The following SREBF2 variants were observed in gnomAD, a reference collection of about 807,000 sequenced individuals.
SREBF2 encodes the protein sterol regulatory element-binding protein 2.
A neutral mutation model predicts 113.1 loss-of-function variants in SREBF2; 55 were observed. The ratio of observed to expected loss-of-function variants is 0.49; its 90% CI spans 0.39 to 0.61. SREBF2 has a LOEUF of 0.61. Ranked by LOEUF, SREBF2 falls within the 20% of genes least tolerant of loss-of-function variation. SREBF2 has a pLI of 0.00. For missense variants in SREBF2, 1,349 were observed against 1,487.4 expected, an observed-to-expected ratio of 0.91 and a Z score of 1.53; for synonymous variants, 593 against 605.7, an observed-to-expected ratio of 0.98 and a Z score of 0.31.
At chr22:41,854,909 T>G (rs535421448) in intron 1 of SREBF2, among the ~76,000 whole-genome samples, 51 of 152,004 alleles carry the variant, frequency 3.4e-4, no homozygotes, top group Non-Finnish European at 5.1e-4. Context: ...ATTTATTTAT[T>G]TAGTGACCTT....
chr22:41,896,997 G>A, intron 13 of SREBF2, 55 bp from the exon 14 acceptor site: 1 of 1,257,228 alleles, frequency 8.0e-7, no homozygotes, highest in South Asian at 1.3e-5. Context: ...TAGGCCATGA[G>A]GTGGGCCTTG....
At position 41,873,916 on chromosome 22, in the gene SREBF2, G is replaced by A. The variant is rs1184723487; in HGVS notation, c.986G>A (p.Gly329Glu). 1 of 1,614,154 alleles carries A rather than the reference G, an allele frequency of 6.2e-7. No individual in the cohort carries two copies. The highest frequency in any genetic ancestry group is 1.1e-5 in the South Asian group (1 of 91,072). Residue 329 changes from glycine to glutamate, a missense_variant, in exon 5 of 19, where the codon GGA (glycine) becomes GAA (glutamate). This residue lies in a region of SREBF2 where 699 missense variants were observed against 843.3 expected (regional missense o/e 0.83). Transcript: ENST00000361204. ...GVKQLEPPKE[G>E]ERRTTHNIIE... ...AAGCAGCTTGAGCCCCCCAAAGAAG[G>A]AGAAAGGCGGACAACCCATAATATC... is the stretch of plus-strand genomic sequence containing the variant.
chr22:41,858,742 G>A (rs887466116), intron 1 of SREBF2, among the ~76,000 whole-genome samples: 14 of 151,870 alleles, frequency 9.2e-5, no homozygotes, highest in African/African-American at 3.4e-4. Flanking sequence ...GTAAGACCCT[G>A]TCTCTAAAAC....
intron 12 of SREBF2, 36 bp from the exon 13 acceptor site, chr22:41,894,784 G>T (rs915028074): frequency 6.4e-7 from 1 of 1,568,884 alleles, no homozygotes; most frequent in African/African-American, 1.3e-5. Context: ...TCATAAATGA[G>T]CTCCATTTAA....
intron 1 of SREBF2, among the ~76,000 whole-genome samples, chr22:41,845,981 A>G (rs1228892165): frequency 6.6e-6 from 1 of 152,202 alleles, no homozygotes; most frequent in African/African-American, 2.4e-5. Context: ...GAGGTCTTAA[A>G]GGGGTGGAAG....
At position 41,906,996 on chromosome 22, in the gene SREBF2, GC is replaced by G. The variant is rs2077514633; in HGVS notation, c.*1340del. On this transcript the variant is annotated 3_prime_UTR_variant, in exon 19 of 19. Transcript: ENST00000361204. ...TGGTTGGAGCAGAGGGTGGGCAGGAGCCCCAGCACAGACTGGGGGGTGCTCA... is the reference window on the plus strand; with the variant it reads ...TGGTTGGAGCAGAGGGTGGGCAGGAGCCCAGCACAGACTGGGGGGTGCTCA... 6.6e-6 allele frequency: 1 copy of G among 152,234 alleles called. No homozygotes were observed. The highest frequency in any genetic ancestry group is 1.5e-5 in the Non-Finnish European group (1 of 68,052). 9.4% of individuals were successfully genotyped at this position (152,234 alleles called of 1,614,324 possible). A position where few individuals can be genotyped will look rare whatever the true frequency, so the allele number is the denominator to read the frequency against.
At position 41,842,328 on chromosome 22, in the gene SREBF2, T is replaced by C. The variant is rs548952746; in HGVS notation, c.88+8970T>C. Among the ~76,000 whole-genome samples the C allele has an allele frequency of 1.6e-4, 25 of 152,342 alleles. 3 individuals carry two copies. In the South Asian group the frequency reaches 4.8e-3, roughly 29 times the overall value. ...AGAAGCTAATAACAAATATTGATTT[T>C]AGTTTTTGCTTTGCTTTCCTTTTTG... On this transcript the variant is annotated intron_variant, in intron 1 of 18. Transcript: ENST00000361204.
rs756214446 is a variant in SREBF2, at chr22:41,897,155, G to A, written c.2599G>A (p.Ala867Thr). 4.8e-5 allele frequency: 77 copies of A among 1,609,738 alleles called. No homozygotes were observed. Among genetic ancestry groups the A allele is most frequent in the Non-Finnish European group, 5.6e-5 (66 of 1,178,642 alleles). The change falls in exon 14 of 19, where the codon GCC becomes ACC. Residue 867 changes from alanine (A) to threonine (T), a missense_variant. By Grantham distance (58) the Ala-to-Thr change is moderately conservative. Around this residue, in one of 2 missense-constraint regions of SREBF2, gnomAD observed 650 missense variants for 644.1 expected, o/e 1.01. Coordinates refer to ENST00000361204, the MANE Select transcript of SREBF2 (RefSeq NM_004599.4). ...CTCCAGGAGCTCCGTGCTCAAGTCC[G>A]CCCTGGGTAAGCACCTGCGGGTGGC... The part of the protein sequence containing the change: ...PLSRSSVLKS[A>T]LGPDIICRWW...
At chr22:41,865,760 G>A (rs555808611) in intron 1 of SREBF2, among the ~76,000 whole-genome samples, 1 of 152,332 alleles carries the variant, frequency 6.6e-6, no homozygotes, top group East Asian at 1.9e-4. Context: ...CAGGCTTGCT[G>A]TGTCCTGGCC....
At chr22:41,852,084 G>A (rs1467287612) in intron 1 of SREBF2, among the ~76,000 whole-genome samples, 2 of 152,038 alleles carry the variant, frequency 1.3e-5, no homozygotes, top group South Asian at 4.1e-4. Flanking sequence ...TTGTGCCACT[G>A]CACTCCAGCC....
At chr22:41,904,287 C>T (rs1364589087) in intron 17 of SREBF2, among the ~76,000 whole-genome samples, 1 of 152,180 alleles carries the variant, frequency 6.6e-6, no homozygotes, top group Non-Finnish European at 1.5e-5. Flanking sequence ...GCACTGAAGA[C>T]CCTCCCTGAA....
chr22:41,879,361 G>A (rs1167897873), intron 9 of SREBF2, among the ~76,000 whole-genome samples: 1 of 152,244 alleles, frequency 6.6e-6, no homozygotes, highest in East Asian at 1.9e-4. Flanking sequence ...AGCTGGAAGA[G>A]GCCCCTGTAG....
chr22:41,840,413 A>G (rs560859247), intron 1 of SREBF2, among the ~76,000 whole-genome samples: 1 of 150,934 alleles, frequency 6.6e-6, no homozygotes, highest in South Asian at 2.1e-4. Context: ...ACCCCTAACC[A>G]TCACCCTTGG....
intron 7 of SREBF2, among the ~76,000 whole-genome samples, chr22:41,876,526 A>G (rs1438625330): frequency 6.6e-6 from 1 of 152,238 alleles, no homozygotes; most frequent in African/African-American, 2.4e-5. Flanking sequence ...TTGAAAAGAA[A>G]TGACATGCTA....
At chr22:41,904,331 G>A (rs1320345276) in intron 17 of SREBF2, among the ~76,000 whole-genome samples, 2 of 152,210 alleles carry the variant, frequency 1.3e-5, no homozygotes, top group Non-Finnish European at 2.9e-5. Context: ...AAGAGCTTGA[G>A]ATTTTAAGAA....
intron 1 of SREBF2, among the ~76,000 whole-genome samples, chr22:41,864,447 A>T (rs184286512): frequency 6.7e-6 from 1 of 148,836 alleles, no homozygotes; most frequent in Non-Finnish European, 1.5e-5. Flanking sequence ...CAGCCTCCCG[A>T]GTAGCTTGGA....
intron 1 of SREBF2, among the ~76,000 whole-genome samples, chr22:41,845,534 T>C (rs2076870174): frequency 6.6e-6 from 1 of 152,204 alleles, no homozygotes; most frequent in Non-Finnish European, 1.5e-5. Context: ...TAGAGTTGAA[T>C]GAAATGGCCT....
chr22:41,877,596 G>A (rs753149875), intron 8 of SREBF2, among the ~76,000 whole-genome samples, 175 bp downstream of exon 8: 88 of 152,162 alleles, frequency 5.8e-4, no homozygotes, highest in Admixed American at 8.5e-4. Context: ...AAGTAACAAG[G>A]CAAGCCCAAG....
At chr22:41,868,581 T>C (rs1312337873) in intron 2 of SREBF2, 30 bp from the exon 3 acceptor site, 2 of 1,613,014 alleles carry the variant, frequency 1.2e-6, no homozygotes, top group Non-Finnish European at 1.7e-6. Context: ...ATTCCTCATC[T>C]CTGTGCCTTC....
Sources: gnomAD v4.1 joint callset for allele counts (sites outside exome capture counted in the v4.1 genomes callset) on GRCh38, gnomAD v4.1.1 for gene constraint, gnomAD v4.1.1 regional missense constraint, MANE v1.5 for transcripts, NCBI Gene and HGNC (gene_info 2026-07-23, HGNC 2026-07-21) for gene names.